Variants in ANAPC10 observed in about 807,000 individuals in gnomAD.
ANAPC10 encodes the protein anaphase-promoting complex subunit 10.
ANAPC10 carries 12 observed loss-of-function variants against 22.0 expected under a neutral mutation model. The observed-to-expected ratio is 0.55, with a 90% CI of 0.35 to 0.88. The LOEUF is 0.88. ANAPC10 is among the 40% of genes least tolerant of loss of function. ANAPC10 has a pLI of 0.01. For synonymous variants in ANAPC10, 65 were observed against 69.5 expected, an observed-to-expected ratio of 0.94 and a Z score of 0.32; for missense variants, 188 against 220.9, an observed-to-expected ratio of 0.85 and a Z score of 0.94.
At chr4:145,022,773 T>A (rs1736135982) in intron 4 of ANAPC10, among the ~76,000 whole-genome samples, 2 of 147,202 alleles carry the variant, frequency 1.4e-5, no homozygotes, top group Non-Finnish European at 3.0e-5. Flanking sequence ...TAGGCAAGTT[T>A]AACTTTATAA....
intron 4 of ANAPC10, among the ~76,000 whole-genome samples, chr4:145,059,841 C>T (rs1218313841): frequency 6.6e-6 from 1 of 151,888 alleles, no homozygotes; most frequent in Non-Finnish European, 1.5e-5. Flanking sequence ...TGGTCCATTG[C>T]TCTAAATGAT....
intron 1 of ANAPC10, 43 bp from the exon 2 acceptor site, chr4:145,096,154 G>A: frequency 6.3e-7 from 1 of 1,580,404 alleles, no homozygotes; most frequent in Non-Finnish European, 8.6e-7. Flanking sequence ...CAGGAACTGG[G>A]CATCTTTCTA....
chr4:145,089,309 A>T (rs1747330840), intron 2 of ANAPC10, among the ~76,000 whole-genome samples: 1 of 151,006 alleles, frequency 6.6e-6, no homozygotes, highest in African/African-American at 2.4e-5. Context: ...CAATGTCTTC[A>T]AAAAAAAACA....
At chr4:145,078,291 T>C (rs990374286) in intron 3 of ANAPC10, among the ~76,000 whole-genome samples, 5 of 138,344 alleles carry the variant, frequency 3.6e-5, no homozygotes, top group African/African-American at 8.1e-5. Flanking sequence ...AAAAAAAAAA[T>C]AAAACACCTG....
At chr4:145,053,918 GTT>G (rs890664203) in intron 4 of ANAPC10, 7 of 352,058 alleles carry the variant, frequency 2.0e-5, no homozygotes, top group East Asian at 4.5e-5. Flanking sequence ...GTGTGTGTGT[GTT>G]TTTTTTTTAG....
rs539852135 is a variant in ANAPC10, at chr4:145,048,454, A to G, written c.327+16118T>C. 5.8e-4 allele frequency among the ~76,000 whole-genome samples: 88 copies of G among 152,318 alleles called. 3 individuals carry two copies. In the South Asian group the frequency reaches 0.017, roughly 30 times the overall value. ...TGACAGTCAACACGAAGTGGGTATC[A>G]TTACTGGTTCTGACACAGTATAGAG... On this transcript the variant is annotated intron_variant, in intron 4 of 4. Coordinates refer to ENST00000507656, the MANE Select transcript of ANAPC10 (RefSeq NM_001256706.2).
chr4:145,049,494 TTC>T (rs1740791921), intron 4 of ANAPC10, among the ~76,000 whole-genome samples: 1 of 152,198 alleles, frequency 6.6e-6, no homozygotes, highest in Non-Finnish European at 1.5e-5. Context: ...AAAAACTACT[TTC>T]TTAGCTCATT....
intron 4 of ANAPC10, among the ~76,000 whole-genome samples, chr4:145,034,541 A>ATATATATATATATATC (rs1738181242): frequency 7.1e-6 from 1 of 140,472 alleles, no homozygotes; most frequent in Non-Finnish European, 1.5e-5. Context: ...ATATATATAT[A>ATATATATATATATATC]TATGTGTGTG....
intron 2 of ANAPC10, among the ~76,000 whole-genome samples, chr4:145,092,470 A>C (rs1328201065): frequency 6.6e-6 from 1 of 152,218 alleles, no homozygotes; most frequent in Non-Finnish European, 1.5e-5. Context: ...TCCCAACTGT[A>C]GTAGAGCATA....
At chr4:145,018,651 TAA>T (rs201017904) in intron 4 of ANAPC10, among the ~76,000 whole-genome samples, 9 of 130,702 alleles carry the variant, frequency 6.9e-5, no homozygotes, top group Admixed American at 7.7e-5. Flanking sequence ...TCTCGAAATC[TAA>T]AAAAAAAAAA....
At chr4:145,024,330 C>T (rs887287749) in intron 4 of ANAPC10, among the ~76,000 whole-genome samples, 2 of 152,186 alleles carry the variant, frequency 1.3e-5, no homozygotes, top group African/African-American at 4.8e-5. Flanking sequence ...TTCTTAATGA[C>T]ATCTGGGATG....
intron 4 of ANAPC10, among the ~76,000 whole-genome samples, chr4:145,013,891 G>C (rs1039252737): frequency 1.3e-5 from 2 of 152,150 alleles, no homozygotes; most frequent in Non-Finnish European, 2.9e-5. Context: ...AGGGAGCAGA[G>C]TGAAATACAG....
rs958269865 is a variant in ANAPC10 at position 145,081,763 on chromosome 4, A to G, written c.116-13T>C. 11 of 1,583,916 alleles carry G rather than the reference A, an allele frequency of 6.9e-6. No individual in the cohort carries two copies. In the Admixed American group the frequency reaches 1.0e-4, roughly 15 times the overall value. ...TCCACTCCAAATCCTAAAAACACCA[A>G]AAGTGTCAATAAATCCCTGTGAAAA... On this transcript the variant is annotated splice_polypyrimidine_tract_variant and intron_variant, in intron 2 of 4. Coordinates refer to ENST00000507656, the MANE Select transcript of ANAPC10 (RefSeq NM_001256706.2).
At chr4:145,004,503 T>C (rs1488055347) in intron 4 of ANAPC10, among the ~76,000 whole-genome samples, 1 of 152,218 alleles carries the variant, frequency 6.6e-6, no homozygotes, top group African/African-American at 2.4e-5. Flanking sequence ...CCTATTATTT[T>C]GAAGTATGTT....
At chr4:145,005,949 T>A (rs1049028343) in intron 4 of ANAPC10, among the ~76,000 whole-genome samples, 1 of 152,150 alleles carries the variant, frequency 6.6e-6, no homozygotes, top group African/African-American at 2.4e-5. Flanking sequence ...GAGTGGAGAG[T>A]TCTGTAGATA....
At chr4:145,087,261 G>C (rs922484569) in intron 2 of ANAPC10, among the ~76,000 whole-genome samples, 3 of 152,142 alleles carry the variant, frequency 2.0e-5, no homozygotes, top group African/African-American at 7.2e-5. Flanking sequence ...AGACATATTT[G>C]AGCAGCCCAG....
At chr4:145,007,043 C>T (rs1733479416) in intron 4 of ANAPC10, among the ~76,000 whole-genome samples, 1 of 151,704 alleles carries the variant, frequency 6.6e-6, no homozygotes, top group African/African-American at 2.4e-5. Flanking sequence ...GGCGCGGGTC[C>T]CAAGATGGAC....
intron 4 of ANAPC10, among the ~76,000 whole-genome samples, chr4:145,005,860 TG>T (rs1385360175): frequency 1.3e-5 from 2 of 151,960 alleles, no homozygotes; most frequent in African/African-American, 4.8e-5. Flanking sequence ...GTCTTAGGAT[TG>T]TTTTATGCCT....
chr4:145,023,823 A>G (rs147513253), intron 4 of ANAPC10, among the ~76,000 whole-genome samples: 116 of 152,272 alleles, frequency 7.6e-4, no homozygotes, highest in African/African-American at 2.4e-3. Context: ...GAAATTTCTT[A>G]AAATAAGACA....
Sources: allele counts gnomAD v4.1 joint callset (sites outside exome capture counted in the v4.1 genomes callset), GRCh38; gene constraint gnomAD v4.1.1; transcripts MANE v1.5; gene names NCBI Gene and HGNC (gene_info 2026-07-23, HGNC 2026-07-21).